The following SCFD2 variants were observed in gnomAD, a reference collection of about 807,000 sequenced individuals.
The protein encoded by SCFD2 is sec1 family domain containing 2.
Under a neutral mutation model 58.9 loss-of-function variants are expected in SCFD2, and 54 were observed. The observed-to-expected ratio is 0.92, with a 90% CI of 0.74 to 1.15. The LOEUF is 1.15. SCFD2 is among the 50% of genes most tolerant of loss of function. The pLI is 0.00. For synonymous variants in SCFD2, 321 were observed against 335.9 expected (o/e 0.96, Z 0.49); for missense variants, 805 against 836.6 (o/e 0.96, Z 0.47).
chr4:52,948,639 C>T, intron 5 of SCFD2: 1 of 429,464 alleles, frequency 2.3e-6, no homozygotes, highest in Non-Finnish European at 4.7e-6. Flanking sequence ...AAATATTGTG[C>T]TAATTTCCAA....
At chr4:53,277,244 C>T (rs934288072) in intron 3 of SCFD2, among the ~76,000 whole-genome samples, 9 of 152,154 alleles carry the variant, frequency 5.9e-5, no homozygotes, top group Non-Finnish European at 1.2e-4. Flanking sequence ...GGATAGGGAC[C>T]TTTTGTGCAA....
intron 4 of SCFD2, among the ~76,000 whole-genome samples, chr4:53,224,655 T>C (rs1327367640): frequency 6.6e-6 from 1 of 152,140 alleles, no homozygotes. Flanking sequence ...AAAGAATTGC[T>C]CAGCTCAGCT....
In SCFD2 at chr4:53,229,401, T is replaced by C. The variant is rs540380674; in HGVS notation, c.1311+44425A>G. 9.8e-5 allele frequency among the ~76,000 whole-genome samples: 15 copies of C among 152,302 alleles called. No individual in the cohort carries two copies. The East Asian group carries it at 2.7e-3, about 27-fold the overall frequency. ...CAAGGCTACAGTAACCAAAACAGCA[T>C]GGTACTGTTACCAAAACAGAGATAT... On this transcript the variant is annotated intron_variant, in intron 4 of 8. Coordinates refer to ENST00000401642, the MANE Select transcript of SCFD2 (RefSeq NM_152540.4).
intron 5 of SCFD2, among the ~76,000 whole-genome samples, chr4:53,083,217 A>T (rs1397606298): frequency 2.0e-5 from 3 of 152,194 alleles, no homozygotes; most frequent in Non-Finnish European, 2.9e-5. Flanking sequence ...AGGTCACAGA[A>T]AGAAAGAAGA....
intron 5 of SCFD2, among the ~76,000 whole-genome samples, chr4:53,014,878 A>T (rs1455532069): frequency 6.6e-6 from 1 of 152,216 alleles, no homozygotes; most frequent in Non-Finnish European, 1.5e-5. Flanking sequence ...CAACCAAAAA[A>T]TGGTTAGAGA....
intron 5 of SCFD2, among the ~76,000 whole-genome samples, chr4:52,975,853 A>C (rs907180355): frequency 6.6e-6 from 1 of 152,116 alleles, no homozygotes; most frequent in Non-Finnish European, 1.5e-5. Flanking sequence ...ATAAAAAAGG[A>C]TGAGTTCACG....
At position 53,084,527 on chromosome 4, in the gene SCFD2, G is replaced by A. The variant is rs375552957; in HGVS notation, c.1561+60806C>T. On this transcript the variant is annotated intron_variant, in intron 5 of 8. Transcript: ENST00000401642. ...GAGGTGACGTACATCCTCAGCTTAC[G>A]AAGATAACAGGATTAAGAGATTAAA... is the stretch of plus-strand genomic sequence containing the variant. Among the ~76,000 whole-genome samples the A allele has an allele frequency of 3.0e-4, 46 of 152,270 alleles. No individual in the cohort carries two copies. The South Asian group carries it at 5.6e-3, about 19-fold the overall frequency.
intron 5 of SCFD2, among the ~76,000 whole-genome samples, chr4:52,963,937 T>A (rs1383827695): frequency 2.0e-5 from 3 of 152,210 alleles, no homozygotes; most frequent in Admixed American, 1.3e-4. Flanking sequence ...AATCAAGAGA[T>A]GCCTAAGAAA....
chr4:52,883,724 A>G (rs916683631), intron 8 of SCFD2, among the ~76,000 whole-genome samples: 4 of 152,244 alleles, frequency 2.6e-5, no homozygotes, highest in Non-Finnish European at 5.9e-5. Flanking sequence ...CTGATGAAAA[A>G]AGAAAAGAGG....
chr4:52,987,275 CAA>C (rs1423765163), intron 5 of SCFD2, among the ~76,000 whole-genome samples: 1 of 152,186 alleles, frequency 6.6e-6, no homozygotes, highest in Non-Finnish European at 1.5e-5. Context: ...CTCGGCCTCC[CAA>C]AGTGCTGGGA....
chr4:53,182,915 C>G (rs112514234), intron 4 of SCFD2, among the ~76,000 whole-genome samples: 1 of 152,284 alleles, frequency 6.6e-6, no homozygotes, highest in African/African-American at 2.4e-5. Flanking sequence ...CTCATCACCA[C>G]TGGCCATCAG....
chr4:53,153,043 A>AG (rs1033347333), intron 4 of SCFD2, among the ~76,000 whole-genome samples: 2 of 152,136 alleles, frequency 1.3e-5, no homozygotes, highest in Non-Finnish European at 2.9e-5. Context: ...GTCAGAGGTA[A>AG]GTGTCTGCAG....
At chr4:53,334,428 A>T (rs1169052870) in intron 2 of SCFD2, among the ~76,000 whole-genome samples, 1 of 151,908 alleles carries the variant, frequency 6.6e-6, no homozygotes, top group African/African-American at 2.4e-5. Flanking sequence ...GCCATAAAAA[A>T]TGATGAGTTC....
chr4:53,296,146 C>A (rs1428429319), intron 3 of SCFD2, among the ~76,000 whole-genome samples: 2 of 152,140 alleles, frequency 1.3e-5, no homozygotes, highest in African/African-American at 4.8e-5. Flanking sequence ...ATGATGCTGG[C>A]CTCATAAAAT....
At chr4:53,111,716 T>C (rs1048693273) in intron 5 of SCFD2, among the ~76,000 whole-genome samples, 1 of 152,166 alleles carries the variant, frequency 6.6e-6, no homozygotes, top group African/African-American at 2.4e-5. Flanking sequence ...TTTGAATATA[T>C]AGAGTTTCTG....
chr4:52,958,168 T>C (rs1291897752), intron 5 of SCFD2: 1 of 152,184 alleles, frequency 6.6e-6, no homozygotes, highest in Non-Finnish European at 1.5e-5. Flanking sequence ...TTCCCCAAGG[T>C]GGGAAGCAAA....
At chr4:52,877,432 A>C (rs1459393487) in intron 8 of SCFD2, among the ~76,000 whole-genome samples, 1 of 152,104 alleles carries the variant, frequency 6.6e-6, no homozygotes, top group Non-Finnish European at 1.5e-5. Context: ...GGTTAAGAGC[A>C]CAGGTTTAGG....
At chr4:53,336,569 G>A (rs1473646834) in intron 2 of SCFD2, among the ~76,000 whole-genome samples, 1 of 151,726 alleles carries the variant, frequency 6.6e-6, no homozygotes, top group African/African-American at 2.4e-5. Context: ...CTGTTGCCCA[G>A]ACTGGAATAC....
intron 7 of SCFD2, among the ~76,000 whole-genome samples, chr4:52,899,269 T>A (rs528347635): frequency 2.0e-5 from 3 of 152,208 alleles, no homozygotes; most frequent in South Asian, 2.1e-4. Context: ...ATTTGGCATG[T>A]TTTTGCAGTG....
Sources: gnomAD v4.1 joint callset for allele counts (sites outside exome capture counted in the v4.1 genomes callset) on GRCh38, gnomAD v4.1.1 for gene constraint, MANE v1.5 for transcripts, NCBI Gene and HGNC (gene_info 2026-07-23, HGNC 2026-07-21) for gene names.